ADAMTSL1: variants seen among roughly 807,000 people sequenced by gnomAD.
The protein encoded by ADAMTSL1 is ADAMTS-like protein 1.
ADAMTSL1 carries 126 observed loss-of-function variants against 201.8 expected under a neutral mutation model. The observed-to-expected ratio is 0.62, with a 90% CI of 0.54 to 0.72. ADAMTSL1 has a LOEUF of 0.72. Ranked by LOEUF, ADAMTSL1 falls within the 30% of genes least tolerant of loss-of-function variation. ADAMTSL1 has a pLI of 0.00. For missense variants in ADAMTSL1, 2,679 were observed against 2,277.8 expected, an observed-to-expected ratio of 1.18 and a Z score of -3.59; for synonymous variants, 1,121 against 903.4, an observed-to-expected ratio of 1.24 and a Z score of -4.32.
At chr9:18,799,466 T>G (rs990331037) in intron 20 of ADAMTSL1, among the ~76,000 whole-genome samples, 6 of 152,164 alleles carry the variant, frequency 3.9e-5, no homozygotes, top group African/African-American at 1.4e-4. Flanking sequence ...TCTGGATCCG[T>G]GGAGTTTAGC....
intron 1 of ADAMTSL1, among the ~76,000 whole-genome samples, chr9:17,978,011 T>C (rs1818523698): frequency 1.3e-5 from 2 of 152,066 alleles, no homozygotes; most frequent in African/African-American, 2.4e-5. Flanking sequence ...TATGATTGTT[T>C]CTATTCTCTT....
chr9:18,354,552 C>T (rs1836123049), intron 2 of ADAMTSL1, among the ~76,000 whole-genome samples: 1 of 152,192 alleles, frequency 6.6e-6, no homozygotes, highest in African/African-American at 2.4e-5. Context: ...ATTATCCCTT[C>T]CTCTGTTCAC....
chr9:18,086,159 G>T (rs764862356), intron 1 of ADAMTSL1, among the ~76,000 whole-genome samples: 27 of 152,050 alleles, frequency 1.8e-4, no homozygotes, highest in Non-Finnish European at 3.8e-4. Context: ...TGTTTGAAGT[G>T]CCTATTGGTC....
intron 2 of ADAMTSL1, among the ~76,000 whole-genome samples, chr9:18,370,567 G>C (rs962045817): frequency 4.6e-5 from 7 of 152,140 alleles, no homozygotes; most frequent in African/African-American, 1.7e-4. Context: ...TGTATTGATA[G>C]CGTTGGTAAC....
At chr9:17,993,843 T>G (rs1819264081) in intron 1 of ADAMTSL1, among the ~76,000 whole-genome samples, 1 of 152,172 alleles carries the variant, frequency 6.6e-6, no homozygotes, top group African/African-American at 2.4e-5. Context: ...CCATCTCTTG[T>G]GGGATTTGGA....
intron 7 of ADAMTSL1, among the ~76,000 whole-genome samples, chr9:18,651,791 C>T (rs1031690636): frequency 2.6e-5 from 4 of 152,048 alleles, no homozygotes; most frequent in African/African-American, 9.7e-5. Context: ...TAGCCTTGAA[C>T]ATAACCTTGC....
intron 1 of ADAMTSL1, among the ~76,000 whole-genome samples, chr9:17,971,530 A>G (rs1420302193): frequency 7.2e-6 from 1 of 138,842 alleles, no homozygotes; most frequent in African/African-American, 2.5e-5. Context: ...CGTTTCACAG[A>G]GAGAACAATC....
intron 5 of ADAMTSL1, among the ~76,000 whole-genome samples, chr9:18,625,647 G>C (rs1317021179): frequency 6.6e-6 from 1 of 152,034 alleles, no homozygotes; most frequent in Non-Finnish European, 1.5e-5. Context: ...AAATTTAAAA[G>C]TTCATTTCTC....
At chr9:18,230,620 A>G (rs1158870903) in intron 2 of ADAMTSL1, among the ~76,000 whole-genome samples, 2 of 152,160 alleles carry the variant, frequency 1.3e-5, no homozygotes, top group African/African-American at 4.8e-5. Context: ...TAAAATCTAG[A>G]GAAGAATTAC....
intron 13 of ADAMTSL1, among the ~76,000 whole-genome samples, chr9:18,688,689 A>AAAAAATAT (rs1554730404): frequency 1.5e-3 from 13 of 8,632 alleles, no homozygotes; most frequent in Non-Finnish European, 2.7e-3. Flanking sequence ...AAAAAAAAAA[A>AAAAAATAT]ATATATATAT....
At chr9:18,055,418 C>T (rs1822137915) in intron 1 of ADAMTSL1, among the ~76,000 whole-genome samples, 1 of 152,270 alleles carries the variant, frequency 6.6e-6, no homozygotes, top group South Asian at 2.1e-4. Flanking sequence ...GGGTCAATCT[C>T]CTTGTCCTTT....
At chr9:17,914,216 C>A (rs1368306416) in intron 1 of ADAMTSL1, among the ~76,000 whole-genome samples, 3 of 151,878 alleles carry the variant, frequency 2.0e-5, no homozygotes, top group East Asian at 1.9e-4. Flanking sequence ...GAGACACAAC[C>A]AAAAAAGAGA....
intron 2 of ADAMTSL1, among the ~76,000 whole-genome samples, chr9:18,509,968 C>T (rs1395605391): frequency 6.6e-6 from 1 of 152,136 alleles, no homozygotes; most frequent in Non-Finnish European, 1.5e-5. Context: ...ATATACCTTC[C>T]CAATAGGGAA....
chr9:18,299,832 C>T (rs376813719), intron 2 of ADAMTSL1, among the ~76,000 whole-genome samples: 1 of 152,320 alleles, frequency 6.6e-6, no homozygotes, highest in African/African-American at 2.4e-5. Flanking sequence ...TACACTGAAG[C>T]ACATCAACTG....
chr9:17,956,516 C>A (rs1408551439), intron 1 of ADAMTSL1, among the ~76,000 whole-genome samples: 3 of 152,080 alleles, frequency 2.0e-5, no homozygotes, highest in African/African-American at 7.2e-5. Context: ...CCAGAGTAAA[C>A]CAGCTTATGC....
rs1828570377 is a variant in ADAMTSL1, at chr9:18,882,109, A to G, written c.4250-5722A>G. 3.9e-5 allele frequency among the ~76,000 whole-genome samples: 6 copies of G among 152,348 alleles called. No individual in the cohort carries two copies. The South Asian group carries it at 1.0e-3, about 26-fold the overall frequency. On this transcript the variant is annotated intron_variant, in intron 23 of 28. Coordinates refer to ENST00000380548, the MANE Select transcript of ADAMTSL1 (RefSeq NM_001040272.6). ...TAGCTCCCAGATAAGTTCTTCAGCCATAGTGACCAACCTAGGGGCTGCTAC... is the reference window on the plus strand; with the variant it reads ...TAGCTCCCAGATAAGTTCTTCAGCCGTAGTGACCAACCTAGGGGCTGCTAC...
intron 4 of ADAMTSL1, among the ~76,000 whole-genome samples, chr9:18,575,307 G>A (rs1460776589): frequency 2.0e-5 from 3 of 152,134 alleles, no homozygotes; most frequent in African/African-American, 7.2e-5. Context: ...CCTTCCTAAA[G>A]TTTAAAATCA....
intron 20 of ADAMTSL1, among the ~76,000 whole-genome samples, chr9:18,804,493 G>C (rs2131103203): frequency 6.6e-6 from 1 of 152,252 alleles, no homozygotes. Context: ...ACTAAGAAAA[G>C]ATCTTGCATG....
At chr9:18,081,945 A>T (rs1463654622) in intron 1 of ADAMTSL1, among the ~76,000 whole-genome samples, 1 of 152,210 alleles carries the variant, frequency 6.6e-6, no homozygotes, top group African/African-American at 2.4e-5. Flanking sequence ...GGACAAGGTT[A>T]AGATTGATGA....
Sources: gnomAD v4.1 joint callset for allele counts (sites outside exome capture counted in the v4.1 genomes callset) on GRCh38, gnomAD v4.1.1 for gene constraint, MANE v1.5 for transcripts, NCBI Gene and HGNC (gene_info 2026-07-23, HGNC 2026-07-21) for gene names.